Variants in ZNF469 observed in about 807,000 individuals in gnomAD.
ZNF469 encodes zinc finger protein 469.
ZNF469 carries 1 observed loss-of-function variant against 1.0 expected under a neutral mutation model. That is an observed-to-expected ratio of 1.00 (90% confidence interval 0.35 to 4.73). ZNF469 has a LOEUF of 4.73. Ranked by LOEUF, ZNF469 falls within the 30% of genes most tolerant of loss-of-function variation. The probability of loss-of-function intolerance (pLI) is 0.16; values close to 1 mark genes in which losing one functional copy is unlikely to be tolerated. For missense variants in ZNF469, 6,100 were observed against 5,356.3 expected (o/e 1.14, Z -4.33); for synonymous variants, 2,703 against 2,363.4 (o/e 1.14, Z -4.17).
At chr16:88,288,461 C>T in the ZNF469 span, among the ~76,000 whole-genome samples, 1 of 152,180 alleles carries the variant, frequency 6.6e-6, no homozygotes, top group Non-Finnish European at 1.5e-5. Flanking sequence ...TCCACCTATC[C>T]AAATCTATCA....
the ZNF469 span, among the ~76,000 whole-genome samples, chr16:88,252,501 G>A: frequency 0.31 from 45,998 of 148,472 alleles, 7,426 homozygotes; most frequent in Middle Eastern, 0.43. Context: ...GGCTTCTCTT[G>A]GCTTCTCATC....
In ZNF469 at chr16:88,432,224, C is replaced by T. The variant is rs1055551711; in HGVS notation, c.4754C>T (p.Pro1585Leu). 19 of 1,549,598 alleles carry T rather than the reference C, an allele frequency of 1.2e-5. No individual in the cohort carries two copies. Among genetic ancestry groups the T allele is most frequent in the South Asian group, 3.6e-5 (3 of 84,068 alleles). The change falls in exon 3 of 3, where the codon CCG becomes CTG. Residue 1585 changes from proline to leucine, a missense_variant. Transcript: ENST00000565624. ...AGGAGCAAAGACACACGTGGGGCCC[C>T]GAGAGAGCTTGCAGAAGCTGAGTCG... The part of the protein sequence containing the change: ...LQRSKDTRGA[P>L]RELAEAESVG...
chr16:88,272,472 G>A, the ZNF469 span, among the ~76,000 whole-genome samples: 1 of 132,662 alleles, frequency 7.5e-6, no homozygotes, highest in Admixed American at 7.7e-5. Flanking sequence ...ATGAACAGGG[G>A]GGTGTATGGA....
At chr16:88,413,121 G>C (rs569343001) in intron 1 of ZNF469, among the ~76,000 whole-genome samples, 1 of 152,310 alleles carries the variant, frequency 6.6e-6, no homozygotes, top group South Asian at 2.1e-4. Flanking sequence ...CCTTATCCAA[G>C]GCACGGGGGC....
At chr16:88,221,296 C>CGGCCGTGA in the ZNF469 span, among the ~76,000 whole-genome samples, 1 of 152,230 alleles carries the variant, frequency 6.6e-6, no homozygotes, top group Non-Finnish European at 1.5e-5. Flanking sequence ...CAGCTTCCCA[C>CGGCCGTGA]GGCCGTGAGG....
At chr16:88,410,678 AAGTTCACAGTGCAGGTCACAC>A (rs1380138777) in intron 1 of ZNF469, among the ~76,000 whole-genome samples, 438 of 141,492 alleles carry the variant, frequency 3.1e-3, no homozygotes, top group Middle Eastern at 5.2e-3. Flanking sequence ...GGTCATGGAG[AAGTTCACAGTGCAGGTCACAC>A]AGTTCACGGT....
chr16:88,430,758 G>A lies in ZNF469; in HGVS notation c.3288G>A (p.Ser1096=). 1 of 1,508,506 alleles carries A rather than the reference G, an allele frequency of 6.6e-7. No homozygotes were observed. 93.4% of individuals were successfully genotyped at this position (1,508,506 alleles called of 1,614,324 possible). The change falls in exon 3 of 3, where the codon TCG becomes TCA. Residue 1096 remains serine (S), a synonymous_variant. Coordinates refer to ENST00000565624, the MANE Select transcript of ZNF469 (RefSeq NM_001367624.2). ...DRRLREYDFA[S]ESEEDEQPPP... ...GGCTCCGCGAGTACGACTTCGCCTC[G>A]GAGTCCGAGGAGGACGAGCAGCCTC...
At chr16:88,411,416 G>C (rs961489199) in intron 1 of ZNF469, among the ~76,000 whole-genome samples, 1 of 152,106 alleles carries the variant, frequency 6.6e-6, no homozygotes, top group Non-Finnish European at 1.5e-5. Context: ...CAGGAGGTGT[G>C]TATGCTTGGG....
chr16:88,371,288 T>G, the ZNF469 span, among the ~76,000 whole-genome samples: 1,084 of 152,288 alleles, frequency 7.1e-3, 18 homozygotes, highest in African/African-American at 0.023. Context: ...CTCCGATAGA[T>G]AAACAATTAG....
rs765528112 is a variant in ZNF469 at position 88,436,695 on chromosome 16, C to T, written c.9225C>T (p.Phe3075=). The T allele has an allele frequency of 6.5e-7, 1 of 1,550,146 alleles. No individual in the cohort carries two copies. The highest frequency in any genetic ancestry group is 1.2e-5 in the South Asian group (1 of 84,066). Residue 3075 remains phenylalanine, a synonymous_variant, in exon 3 of 3, where the codon TTC becomes TTT. Transcript: ENST00000565624. ...CCGTGGGTCTCCCCGGCCCCAGCTTCTTAGACTTCGAGGGCACGGCGAGCT... is the reference window on the plus strand; with the variant it reads ...CCGTGGGTCTCCCCGGCCCCAGCTTTTTAGACTTCGAGGGCACGGCGAGCT... ...EDPVGLPGPS[F]LDFEGTASSQ... is the part of the protein sequence containing the mutation.
chr16:88,200,378 C>G, the ZNF469 span, among the ~76,000 whole-genome samples: 1 of 152,218 alleles, frequency 6.6e-6, no homozygotes, highest in Non-Finnish European at 1.5e-5. Flanking sequence ...AGCTGAGAAA[C>G]CACACGCTCC....
the ZNF469 span, among the ~76,000 whole-genome samples, chr16:88,296,379 C>T: frequency 2.6e-5 from 4 of 152,144 alleles, no homozygotes; most frequent in East Asian, 7.7e-4. Context: ...TGCACACATA[C>T]ACAGGTGCAC....
chr16:88,112,902 C>T, the ZNF469 span, among the ~76,000 whole-genome samples: 2 of 151,688 alleles, frequency 1.3e-5, no homozygotes, highest in Non-Finnish European at 2.9e-5. Context: ...CTCGGCCTCC[C>T]CAGTAGCTGG....
chr16:88,353,914 G>A, the ZNF469 span, among the ~76,000 whole-genome samples: 3 of 152,178 alleles, frequency 2.0e-5, no homozygotes, highest in Non-Finnish European at 4.4e-5. Context: ...TGGCCTCTAG[G>A]CAGCGGGAAG....
At chr16:88,107,695 A>G in the ZNF469 span, among the ~76,000 whole-genome samples, 1 of 152,218 alleles carries the variant, frequency 6.6e-6, no homozygotes, top group East Asian at 1.9e-4. Flanking sequence ...GATTCGGCCC[A>G]CACAGAGGCA....
chr16:88,364,582 C>A, the ZNF469 span, among the ~76,000 whole-genome samples: 2 of 151,020 alleles, frequency 1.3e-5, no homozygotes, highest in South Asian at 2.1e-4. Flanking sequence ...CAACGTCTTT[C>A]CATTAGAGTC....
At chr16:88,409,866 CGGGGGG>C (rs1285847771) in intron 1 of ZNF469, among the ~76,000 whole-genome samples, 1 of 916 alleles carries the variant, frequency 1.1e-3, no homozygotes, top group African/African-American at 1.3e-3. Context: ...CCATCTTGGC[CGGGGGG>C]GGGGGGGGGG....
In ZNF469 at chr16:88,428,595, C is replaced by T; in HGVS notation, c.1125C>T (p.Ser375=). 1 of 1,550,244 alleles carries T rather than the reference C, an allele frequency of 6.5e-7. No individual in the cohort carries two copies. The highest frequency in any genetic ancestry group is 8.7e-7 in the Non-Finnish European group (1 of 1,146,886). Residue 375 remains serine (S), a synonymous_variant, in exon 3 of 3, where the codon AGC becomes AGT. Transcript: ENST00000565624. ...PRPFSDSLHK[S]LTKILPERPP... ...CCTTCTCTGACAGTTTACACAAGAGCCTGACCAAAATCCTTCCCGAAAGAC... is the reference window on the plus strand; with the variant it reads ...CCTTCTCTGACAGTTTACACAAGAGTCTGACCAAAATCCTTCCCGAAAGAC...
the ZNF469 span, among the ~76,000 whole-genome samples, chr16:88,318,232 C>T: frequency 1.3e-5 from 2 of 152,242 alleles, no homozygotes; most frequent in Middle Eastern, 3.2e-3. Context: ...TTCCATGGAG[C>T]TGCGGCTGTG....
Sources: allele counts gnomAD v4.1 joint callset (sites outside exome capture counted in the v4.1 genomes callset), GRCh38; gene constraint gnomAD v4.1.1; transcripts MANE v1.5; gene names NCBI Gene and HGNC (gene_info 2026-07-23, HGNC 2026-07-21).